CPA6: variants seen among roughly 807,000 people sequenced by gnomAD.
CPA6 encodes the protein carboxypeptidase A6, also known as carboxypeptidase B.
In CPA6, 58 loss-of-function variants were observed where a neutral mutation model predicts 63.3. That is an observed-to-expected ratio of 0.92 (90% CI 0.74 to 1.14). The LOEUF is 1.14. CPA6 is among the 50% of genes most tolerant of loss of function. The pLI is 0.00. For missense variants in CPA6, 565 were observed against 526.6 expected (o/e 1.07, Z -0.71); for synonymous variants, 185 against 179.0 (o/e 1.03, Z -0.27).
chr8:67,472,375 T>TTTTTATTTTATTTTATTTTATTTTA (rs1042918150), intron 8 of CPA6, among the ~76,000 whole-genome samples: 8 of 68,904 alleles, frequency 1.2e-4, no homozygotes, highest in African/African-American at 4.2e-4. Flanking sequence ...AAGATTTATT[T>TTTTTATTTTATTTTATTTTATTTTA]TTTTATTTTA....
intron 1 of CPA6, among the ~76,000 whole-genome samples, chr8:67,697,339 A>T (rs148604273): frequency 1.3e-5 from 2 of 152,316 alleles, no homozygotes; most frequent in African/African-American, 4.8e-5. Context: ...TGCTGTTCTC[A>T]GAGGCAATGT....
intron 1 of CPA6, among the ~76,000 whole-genome samples, chr8:67,739,830 T>A (rs1273213650): frequency 6.6e-6 from 1 of 152,176 alleles, no homozygotes; most frequent in Admixed American, 6.5e-5. Context: ...TAAAAAGCCT[T>A]ATTTTAATAA....
At chr8:67,616,913 C>T (rs993678999) in intron 2 of CPA6, among the ~76,000 whole-genome samples, 14 of 152,092 alleles carry the variant, frequency 9.2e-5, no homozygotes, top group African/African-American at 3.1e-4. Flanking sequence ...ATGGCAGGTA[C>T]ATGAAAGAGC....
chr8:67,488,536 G>T (rs1220542845), intron 6 of CPA6, among the ~76,000 whole-genome samples: 2 of 152,148 alleles, frequency 1.3e-5, no homozygotes, highest in Non-Finnish European at 2.9e-5. Context: ...GGCAACGTGG[G>T]CTCTTTTTTG....
intron 8 of CPA6, among the ~76,000 whole-genome samples, chr8:67,462,946 G>A (rs1344062418): frequency 1.3e-5 from 2 of 152,092 alleles, no homozygotes; most frequent in Non-Finnish European, 2.9e-5. Flanking sequence ...AATTCTTGGA[G>A]AGGTATAGTC....
intron 1 of CPA6, among the ~76,000 whole-genome samples, chr8:67,731,456 G>A (rs1392598828): frequency 6.6e-6 from 1 of 152,198 alleles, no homozygotes; most frequent in Non-Finnish European, 1.5e-5. Flanking sequence ...GGGACCAACT[G>A]ATTTCACACC....
chr8:67,596,876 T>A (rs1294903345), intron 2 of CPA6, among the ~76,000 whole-genome samples: 1 of 152,186 alleles, frequency 6.6e-6, no homozygotes, highest in Non-Finnish European at 1.5e-5. Context: ...TTTGGGTTTA[T>A]CTGATATTTT....
intron 1 of CPA6, among the ~76,000 whole-genome samples, chr8:67,632,056 TG>T (rs1176785613): frequency 1.3e-5 from 2 of 152,210 alleles, no homozygotes; most frequent in Non-Finnish European, 2.9e-5. Flanking sequence ...CCACCAATTC[TG>T]GACACATTAA....
At chr8:67,490,884 T>C (rs1184822093) in intron 6 of CPA6, among the ~76,000 whole-genome samples, 1 of 152,134 alleles carries the variant, frequency 6.6e-6, no homozygotes, top group Non-Finnish European at 1.5e-5. Context: ...CAGCATGGAA[T>C]ATGGAGATCA....
intron 1 of CPA6, among the ~76,000 whole-genome samples, chr8:67,640,287 G>T (rs1446632454): frequency 6.6e-6 from 1 of 151,036 alleles, no homozygotes; most frequent in Non-Finnish European, 1.5e-5. Context: ...TAGGCTATTT[G>T]TGCCAAGGGG....
At chr8:67,721,013 T>C (rs192045975) in intron 1 of CPA6, among the ~76,000 whole-genome samples, 2 of 152,370 alleles carry the variant, frequency 1.3e-5, no homozygotes, top group African/African-American at 4.8e-5. Flanking sequence ...TATTAGGGAT[T>C]GAACAAACAT....
At chr8:67,536,726 A>G (rs973850402) in intron 2 of CPA6, among the ~76,000 whole-genome samples, 1 of 152,106 alleles carries the variant, frequency 6.6e-6, no homozygotes, top group Non-Finnish European at 1.5e-5. Context: ...AGAACTTCCA[A>G]TACTATGTTG....
rs369468422 is a variant in CPA6, at chr8:67,506,917, A to G, written c.535-29T>C. ...AAAACAAGAGCATTCACAGTAACCAACTCAGGCTTTTAGATTCACTGACCA... is the reference window on the plus strand; with the variant it reads ...AAAACAAGAGCATTCACAGTAACCAGCTCAGGCTTTTAGATTCACTGACCA... On this transcript the variant is annotated intron_variant, in intron 5 of 10. Transcript: ENST00000297770. The G allele has an allele frequency of 2.5e-5, 37 of 1,489,508 alleles. No individual in the cohort carries two copies. In the African/African-American group the frequency reaches 4.3e-4, roughly 17 times the overall value. 92.3% of individuals were successfully genotyped at this position (1,489,508 alleles called of 1,614,324 possible).
At chr8:67,637,176 C>T (rs1457546764) in intron 1 of CPA6, among the ~76,000 whole-genome samples, 1 of 151,694 alleles carries the variant, frequency 6.6e-6, no homozygotes, top group Non-Finnish European at 1.5e-5. Flanking sequence ...AGAAACCTGA[C>T]AGCTGGACTT....
intron 2 of CPA6, among the ~76,000 whole-genome samples, chr8:67,531,159 T>C (rs1812469432): frequency 6.6e-6 from 1 of 152,112 alleles, no homozygotes; most frequent in Non-Finnish European, 1.5e-5. Context: ...TCAATGTATG[T>C]AGATAAAATA....
chr8:67,439,918 G>A (rs548666897), intron 8 of CPA6, among the ~76,000 whole-genome samples: 51 of 152,192 alleles, frequency 3.4e-4, no homozygotes, highest in African/African-American at 1.2e-3. Flanking sequence ...AAGCCATAGT[G>A]CCTGGCCTGA....
At position 67,713,107 on chromosome 8, in the gene CPA6, A is replaced by G. The variant is rs1448287640; in HGVS notation, c.116+32907T>C. On this transcript the variant is annotated intron_variant, in intron 1 of 10. Transcript: ENST00000297770. ...TATGTGTGTGTGTGTGTGTATATAT[A>G]TATATATATATATATATATATATAT... Among the ~76,000 whole-genome samples, 516 of 85,218 alleles carry G rather than the reference A, an allele frequency of 6.1e-3. 2 individuals carry two copies. Among genetic ancestry groups the G allele is most frequent in the East Asian group, 0.024 (33 of 1,398 alleles). The allele number at this position is 85,218 out of a possible 152,430, so 55.9% of individuals were successfully genotyped here.
intron 2 of CPA6, among the ~76,000 whole-genome samples, chr8:67,580,406 C>T (rs906448474): frequency 6.6e-6 from 1 of 152,164 alleles, no homozygotes; most frequent in African/African-American, 2.4e-5. Flanking sequence ...TCAGTAACCT[C>T]ATGAAAAGAA....
chr8:67,733,307 G>T (rs989558560), intron 1 of CPA6, among the ~76,000 whole-genome samples: 16 of 151,820 alleles, frequency 1.1e-4, no homozygotes, highest in African/African-American at 2.7e-4. Flanking sequence ...GATTTGGGAG[G>T]GGGAGGTGGC....
Sources: allele counts gnomAD v4.1 joint callset (sites outside exome capture counted in the v4.1 genomes callset), GRCh38; gene constraint gnomAD v4.1.1; transcripts MANE v1.5; gene names NCBI Gene and HGNC (gene_info 2026-07-23, HGNC 2026-07-21).